TUBD1: variants seen among roughly 807,000 people sequenced by gnomAD.
The protein encoded by TUBD1 is tubulin delta chain.
In TUBD1, 38 loss-of-function variants were observed where a neutral mutation model predicts 51.2. That is an observed-to-expected ratio of 0.74 (90% confidence interval 0.57 to 0.97). The LOEUF (loss-of-function observed/expected upper bound fraction) is 0.97, where lower values mean the gene tolerates loss of function less well. Among genes scored for constraint, TUBD1 ranks in the 50% least tolerant of loss-of-function variants. The pLI is 0.00. For missense variants in TUBD1, 489 were observed against 538.4 expected (o/e 0.91, Z 0.91); for synonymous variants, 169 against 178.2 (o/e 0.95, Z 0.41).
At chr17:59,885,314 C>T (rs914021719) in intron 3 of TUBD1, 11 of 625,506 alleles carry the variant, frequency 1.8e-5, no homozygotes, top group East Asian at 6.2e-5. Context: ...TGGGGTGAAC[C>T]GATGCACTGG....
At chr17:59,874,388 C>G in intron 6 of TUBD1, 151 bp downstream of exon 6, 1 of 657,376 alleles carries the variant, frequency 1.5e-6, no homozygotes, top group East Asian at 2.8e-5. Context: ...TTAAGAAACC[C>G]TCCTAAGATG....
intron 6 of TUBD1, 75 bp downstream of exon 6, chr17:59,874,464 G>T: frequency 6.9e-7 from 1 of 1,457,194 alleles, no homozygotes; most frequent in Non-Finnish European, 9.3e-7. Flanking sequence ...ACTGGTCCAA[G>T]CCAGTTTATA....
intron 1 of TUBD1, 67 bp from the exon 2 acceptor site, chr17:59,891,108 T>C (rs2040983065): frequency 1.2e-6 from 1 of 829,610 alleles, no homozygotes; most frequent in African/African-American, 1.7e-5. Flanking sequence ...AAATGCCATG[T>C]ATGTTAATTA....
At chr17:59,892,334 G>A (rs1367748403) in intron 1 of TUBD1, among the ~76,000 whole-genome samples, 1 of 152,128 alleles carries the variant, frequency 6.6e-6, no homozygotes, top group Non-Finnish European at 1.5e-5. Flanking sequence ...CTGAGCCCAG[G>A]GATTCCAGAC....
At chr17:59,861,656 GT>G (rs995234248) in intron 8 of TUBD1, among the ~76,000 whole-genome samples, 4 of 151,788 alleles carry the variant, frequency 2.6e-5, no homozygotes, top group East Asian at 1.9e-4. Context: ...TGTGGAGTGG[GT>G]TTTTTTGTTT....
chr17:59,869,247 G>A (rs1367711663), intron 6 of TUBD1, among the ~76,000 whole-genome samples: 3 of 151,552 alleles, frequency 2.0e-5, no homozygotes, highest in Admixed American at 6.6e-5. Context: ...AGGCCAAGGC[G>A]GGCAAATCAC....
chr17:59,864,590 C>T (rs2039613473), intron 7 of TUBD1, among the ~76,000 whole-genome samples: 2 of 151,954 alleles, frequency 1.3e-5, no homozygotes, highest in Non-Finnish European at 2.9e-5. Context: ...CAGCCTTCAC[C>T]TCCTGCCCTT....
At chr17:59,871,447 C>T (rs796728250) in intron 6 of TUBD1, among the ~76,000 whole-genome samples, 3 of 152,156 alleles carry the variant, frequency 2.0e-5, no homozygotes, top group African/African-American at 4.8e-5. Flanking sequence ...TTTCACCTGC[C>T]TTGGCCTCCC....
At chr17:59,873,859 C>T (rs1307329832) in intron 6 of TUBD1, among the ~76,000 whole-genome samples, 1 of 127,692 alleles carries the variant, frequency 7.8e-6, no homozygotes, top group Non-Finnish European at 1.7e-5. Flanking sequence ...AGCGAGATTC[C>T]ATCTCAAAAA....
intron 3 of TUBD1, among the ~76,000 whole-genome samples, chr17:59,882,447 C>G (rs771245013): frequency 2.0e-5 from 3 of 151,738 alleles, no homozygotes; most frequent in South Asian, 2.1e-4. Context: ...CCACCACACC[C>G]GGCTGATTTT....
intron 3 of TUBD1, among the ~76,000 whole-genome samples, chr17:59,881,745 C>T (rs576209845): frequency 2.6e-4 from 39 of 152,034 alleles, no homozygotes; most frequent in African/African-American, 8.7e-4. Context: ...GGCGCGATCT[C>T]GGCTCACTCC....
At chr17:59,875,070 A>AT (rs1185740027) in intron 5 of TUBD1, among the ~76,000 whole-genome samples, 3 of 110,144 alleles carry the variant, frequency 2.7e-5, no homozygotes, top group African/African-American at 1.0e-4. Flanking sequence ...ATATTGTTAT[A>AT]TTCTTTTTTT....
chr17:59,892,302 G>A (rs1343626118), intron 1 of TUBD1, among the ~76,000 whole-genome samples: 1 of 152,202 alleles, frequency 6.6e-6, no homozygotes, highest in Non-Finnish European at 1.5e-5. Context: ...AGTACTTTGG[G>A]AGGCCGAGGC....
intron 4 of TUBD1, among the ~76,000 whole-genome samples, chr17:59,879,122 C>G (rs117068614): frequency 1.3e-5 from 2 of 151,890 alleles, no homozygotes; most frequent in African/African-American, 4.8e-5. Context: ...ACTAAAAATA[C>G]AAAATTAGCC....
chr17:59,881,258 C>A (rs993079508), intron 3 of TUBD1, 148 bp from the exon 4 acceptor site: 65 of 638,732 alleles, frequency 1.0e-4, no homozygotes, highest in Non-Finnish European at 1.6e-4. Flanking sequence ...CCCTGACTGA[C>A]AAAATTTTAA....
intron 6 of TUBD1, among the ~76,000 whole-genome samples, chr17:59,872,724 GTGTGTC>G (rs1261517411): frequency 6.7e-6 from 1 of 150,234 alleles, no homozygotes; most frequent in Non-Finnish European, 1.5e-5. Context: ...GTGTGTGTGT[GTGTGTC>G]TGTGTGTGTA....
chr17:59,886,839 C>A (rs888341972), intron 2 of TUBD1, among the ~76,000 whole-genome samples: 8 of 151,516 alleles, frequency 5.3e-5, no homozygotes, highest in Non-Finnish European at 1.2e-4. Flanking sequence ...TCACTTGAGG[C>A]CAGGAGTTGG....
Position 59,866,920 on chromosome 17 carries a change from C to G in TUBD1, c.935-171G>C, listed in dbSNP as rs2645485. On this transcript the variant is annotated intron_variant, in intron 6 of 8. Coordinates refer to ENST00000325752, the MANE Select transcript of TUBD1 (RefSeq NM_016261.4). ...TGCCTCAGTCTCCCCCAGTAGCTGG[C>G]TAGACAGGATTAGAGGTGTGTGCCA... Among the ~76,000 whole-genome samples the G allele has an allele frequency of 0.56, 85,274 of 151,846 alleles. 26,048 individuals are homozygous for G. Among genetic ancestry groups the G allele is most frequent in the African/African-American group, 0.82 (34,020 of 41,478 alleles).
chr17:59,874,209 AT>A (rs1207802931), intron 6 of TUBD1, among the ~76,000 whole-genome samples: 3 of 151,178 alleles, frequency 2.0e-5, no homozygotes, highest in Non-Finnish European at 2.9e-5. Flanking sequence ...AAAAAAAAAA[AT>A]TGAGATATAA....
Sources: allele counts gnomAD v4.1 joint callset (sites outside exome capture counted in the v4.1 genomes callset), GRCh38; gene constraint gnomAD v4.1.1; transcripts MANE v1.5; gene names NCBI Gene and HGNC (gene_info 2026-07-23, HGNC 2026-07-21).